The following CIMIP2A variants were observed in gnomAD, a reference collection of about 807,000 sequenced individuals.
The protein encoded by CIMIP2A is family with sequence similarity 166 member A.
the CIMIP2A span, chr9:137,244,681 G>C: frequency 1.9e-6 from 3 of 1,613,836 alleles, no homozygotes; most frequent in Non-Finnish European, 2.5e-6. Context: ...GCATGACGCC[G>C]TCTCGGTAAT....
At chr9:137,252,905 C>G in the CIMIP2A span, 1 of 1,598,422 alleles carries the variant, frequency 6.3e-7, no homozygotes, top group Non-Finnish European at 8.5e-7. Context: ...CCTGCAGAGC[C>G]CCCGCTCGCC....
the CIMIP2A span, chr9:137,253,236 C>T: frequency 1.9e-6 from 3 of 1,607,210 alleles, no homozygotes; most frequent in South Asian, 1.1e-5. Flanking sequence ...GCCCCTTCTG[C>T]ACGCTCTAGA....
At chr9:137,252,073 C>T in the CIMIP2A span, 692 of 1,613,010 alleles carry the variant, frequency 4.3e-4, 5 homozygotes, top group African/African-American at 8.1e-3. Flanking sequence ...GTGCCGAGCC[C>T]GTCCGTACGA....
the CIMIP2A span, chr9:137,251,824 T>A: frequency 6.2e-7 from 1 of 1,605,228 alleles, no homozygotes; most frequent in South Asian, 1.1e-5. Flanking sequence ...GAGATCCCAG[T>A]TGGCCTCAGG....
At chr9:137,252,355 G>A in the CIMIP2A span, 1 of 1,452,286 alleles carries the variant, frequency 6.9e-7, no homozygotes, top group South Asian at 1.2e-5. Flanking sequence ...GGCCGAGGGT[G>A]GGAACCGGGA....
chr9:137,244,073 C>G, the CIMIP2A span: 1 of 1,247,232 alleles, frequency 8.0e-7, no homozygotes, highest in Non-Finnish European at 1.2e-6. Context: ...AATGGTCAGA[C>G]AGGTGGTCCT....
At chr9:137,244,198 T>G in the CIMIP2A span, 56 of 1,613,902 alleles carry the variant, frequency 3.5e-5, no homozygotes, top group South Asian at 5.9e-4. Context: ...TAGAAGGGGA[T>G]CAGGCCTTGG....
the CIMIP2A span, chr9:137,253,162 C>T: frequency 5.7e-5 from 91 of 1,601,978 alleles, no homozygotes; most frequent in Middle Eastern, 1.7e-4. Flanking sequence ...CTGCAACTCA[C>T]GCTTCCCTTC....
chr9:137,251,166 C>T, the CIMIP2A span: 9 of 797,568 alleles, frequency 1.1e-5, no homozygotes, highest in East Asian at 2.5e-5. Context: ...GGTCGGGGCC[C>T]GGGGCAGCCC....
the CIMIP2A span, chr9:137,245,942 C>A: frequency 3.7e-6 from 4 of 1,094,974 alleles, no homozygotes; most frequent in African/African-American, 1.6e-5. Context: ...TGGATTCAGC[C>A]TGCTGGCCAC....
the CIMIP2A span, chr9:137,252,438 G>A: frequency 6.2e-7 from 1 of 1,610,078 alleles, no homozygotes; most frequent in Non-Finnish European, 8.5e-7. Context: ...CAACTACAGA[G>A]GGCGGTGGCC....
the CIMIP2A span, among the ~76,000 whole-genome samples, chr9:137,248,276 G>A: frequency 1.1e-4 from 16 of 152,168 alleles, no homozygotes; most frequent in African/African-American, 3.6e-4. Context: ...GGCCAGGCAC[G>A]GTGGCTCACA....
chr9:137,248,415 C>T, the CIMIP2A span, among the ~76,000 whole-genome samples: 16 of 151,688 alleles, frequency 1.1e-4, no homozygotes, highest in Admixed American at 5.3e-4. Context: ...CGGTGGCGTG[C>T]GCCTGTAGTC....
the CIMIP2A span, chr9:137,253,171 T>TC: frequency 1.2e-5 from 20 of 1,604,174 alleles, no homozygotes; most frequent in Non-Finnish European, 1.7e-5. Context: ...ACGCTTCCCT[T>TC]CGGCGCCTGG....
chr9:137,254,447 C>T, the CIMIP2A span, among the ~76,000 whole-genome samples: 1 of 152,202 alleles, frequency 6.6e-6, no homozygotes, highest in Non-Finnish European at 1.5e-5. Context: ...TGGTGAGACC[C>T]AAAGCTAGGA....
At chr9:137,246,408 G>C in the CIMIP2A span, among the ~76,000 whole-genome samples, 1 of 152,228 alleles carries the variant, frequency 6.6e-6, no homozygotes, top group Non-Finnish European at 1.5e-5. Context: ...GGTGGTCACA[G>C]GCGGTTCAGC....
the CIMIP2A span, chr9:137,251,637 G>A: frequency 7.0e-7 from 1 of 1,421,582 alleles, no homozygotes; most frequent in Non-Finnish European, 9.4e-7. Context: ...CACGTGGCTG[G>A]GAGCAGCCGG....
the CIMIP2A span, among the ~76,000 whole-genome samples, chr9:137,246,177 C>G: frequency 6.6e-6 from 1 of 152,214 alleles, no homozygotes; most frequent in African/African-American, 2.4e-5. Flanking sequence ...GTGCTCTGCC[C>G]TGGCAAAGCA....
chr9:137,252,267 C>T, the CIMIP2A span: 1 of 1,380,104 alleles, frequency 7.2e-7, no homozygotes, highest in Middle Eastern at 2.3e-4. Context: ...CCTCTAGGCT[C>T]AGCACCTGTA....
Sources: allele counts gnomAD v4.1 joint callset (sites outside exome capture counted in the v4.1 genomes callset), GRCh38; gene constraint gnomAD v4.1.1; transcripts MANE v1.5; gene names NCBI Gene and HGNC (gene_info 2026-07-23, HGNC 2026-07-21).